The following MTO1 variants were observed in gnomAD, a reference collection of about 807,000 sequenced individuals.
MTO1 encodes 5-taurinomethyluridine-[tRNA] synthase subunit MTO1, mitochondrial.
In MTO1, 46 loss-of-function variants were observed where a neutral mutation model predicts 71.6. The ratio of observed to expected loss-of-function variants is 0.64; its 90% CI spans 0.51 to 0.82. MTO1 has a LOEUF of 0.82. Ranked by LOEUF, MTO1 falls within the 40% of genes least tolerant of loss-of-function variation. The pLI, the probability that MTO1 is intolerant of heterozygous loss-of-function variation, is 0.00. For missense variants in MTO1, 773 were observed against 867.5 expected (o/e 0.89, Z 1.37); for synonymous variants, 297 against 312.1 (o/e 0.95, Z 0.51).
At chr6:73,481,928 G>T (rs1339948361) in intron 7 of MTO1, 112 bp from the exon 8 acceptor site, 23 of 1,097,328 alleles carry the variant, frequency 2.1e-5, no homozygotes, top group Non-Finnish European at 3.0e-5. Flanking sequence ...TCCCTTAGGG[G>T]CAATACTTGC....
Position 73,461,818 on chromosome 6 carries a change from G to GT in MTO1, c.-36dup, listed in dbSNP as rs1353309264. The GT allele has an allele frequency of 2.4e-5, 38 of 1,595,008 alleles. No individual in the cohort carries two copies. Among genetic ancestry groups the GT allele is most frequent in the Non-Finnish European group, 3.3e-5 (38 of 1,164,632 alleles). Reference sequence around the variant, plus strand: ...GCGTAAGTTTTTTTGACCGTCACTCGTGTCAGCTTCAAAGTCAGATAGATT... The same window carrying GT: ...GCGTAAGTTTTTTTGACCGTCACTCGTTGTCAGCTTCAAAGTCAGATAGATT... On this transcript the variant is annotated 5_prime_UTR_variant, in exon 1 of 12. Transcript: ENST00000498286.
At chr6:73,479,359 G>A (rs1157444182) in intron 4 of MTO1, among the ~76,000 whole-genome samples, 1 of 152,028 alleles carries the variant, frequency 6.6e-6, no homozygotes, top group Admixed American at 6.5e-5. Flanking sequence ...GCCGAACGTA[G>A]TGGTGCATGC....
chr6:73,505,205 A>G lies in MTO1; in HGVS notation c.*4470A>G, dbSNP rs975747049. The stretch of plus-strand genomic sequence containing the variant: ...TCAAAAAAAAAAAATTTGTACAGTC[A>G]TGTTCAAAGTAGCATTAATTCACAA... On this transcript the variant is annotated 3_prime_UTR_variant, in exon 12 of 12. Transcript: ENST00000498286. 1.3e-5 allele frequency: 2 copies of G among 152,240 alleles called. No individual in the cohort carries two copies. Among genetic ancestry groups the G allele is most frequent in the East Asian group, 1.9e-4 (1 of 5,192 alleles). The allele number at this position is 152,240 out of a possible 1,614,324, so 9.4% of individuals were successfully genotyped here. A position where few individuals can be genotyped will look rare whatever the true frequency, so the allele number is the denominator to read the frequency against.
Position 73,501,416 on chromosome 6 carries a change from C to T in MTO1, c.*681C>T, listed in dbSNP as rs933567059. 1.3e-5 allele frequency: 2 copies of T among 152,044 alleles called. No homozygotes were observed. Among genetic ancestry groups the T allele is most frequent in the Non-Finnish European group, 2.9e-5 (2 of 68,022 alleles). 9.4% of individuals were successfully genotyped at this position (152,044 alleles called of 1,614,324 possible). ...ACCTAGTTATGGGAGAATTGAGTAACGTTAGTTATTTTATATCATACCATA... is the reference window on the plus strand; with the variant it reads ...ACCTAGTTATGGGAGAATTGAGTAATGTTAGTTATTTTATATCATACCATA... On this transcript the variant is annotated 3_prime_UTR_variant, in exon 12 of 12. Transcript: ENST00000498286.
At chr6:73,489,535 G>A (rs1771749189) in intron 9 of MTO1, among the ~76,000 whole-genome samples, 2 of 148,372 alleles carry the variant, frequency 1.3e-5, no homozygotes, top group South Asian at 4.2e-4. Flanking sequence ...AACATGCAAT[G>A]TTTGGTTTTC....
chr6:73,500,521 T>G (rs909831072), intron 11 of MTO1, 53 bp from the exon 12 acceptor site: 1 of 1,488,484 alleles, frequency 6.7e-7, no homozygotes, highest in Admixed American at 2.1e-5. Flanking sequence ...GAAAATAGAT[T>G]TGATTTGACA....
intron 1 of MTO1, 134 bp downstream of exon 1, chr6:73,462,205 C>T (rs1770844232): frequency 1.1e-6 from 1 of 947,570 alleles, no homozygotes; most frequent in Non-Finnish European, 1.6e-6. Context: ...GTTTTAGCCT[C>T]GATCAGTGTC....
At chr6:73,484,082 GT>G (rs1339221780) in intron 9 of MTO1, among the ~76,000 whole-genome samples, 1 of 151,892 alleles carries the variant, frequency 6.6e-6, no homozygotes, top group Non-Finnish European at 1.5e-5. Context: ...CCTGGCCCAA[GT>G]TTTTATTTTC....
At chr6:73,462,249 A>C in intron 1 of MTO1, 178 bp downstream of exon 1, 1 of 652,312 alleles carries the variant, frequency 1.5e-6, no homozygotes, top group South Asian at 1.9e-5. Context: ...CCAGAACTCT[A>C]TATTAGTCTA....
At position 73,473,463 on chromosome 6, in the gene MTO1, C is replaced by T. The variant is rs147346536; in HGVS notation, c.634C>T (p.Arg212Cys). 6.3e-5 allele frequency: 101 copies of T among 1,613,926 alleles called. No homozygotes were observed. The highest frequency in any genetic ancestry group is 6.3e-5 in the Non-Finnish European group (74 of 1,180,034). ...VIGLETHPAG[R>C]LGDQPSIGLA... Reference sequence around the variant, plus strand: ...TGGATTGGAGACGCATCCAGCAGGACGTTTAGGGGATCAGCCTTCTATAGG... The same window carrying T: ...TGGATTGGAGACGCATCCAGCAGGATGTTTAGGGGATCAGCCTTCTATAGG... The change falls in exon 4 of 12, where the codon CGT (arginine) becomes TGT (cysteine). Residue 212 changes from arginine to cysteine, a missense_variant. Transcript: ENST00000498286.
intron 7 of MTO1, 106 bp from the exon 8 acceptor site, chr6:73,481,934 C>T (rs1771505646): frequency 8.2e-7 from 1 of 1,226,188 alleles, no homozygotes; most frequent in Non-Finnish European, 1.2e-6. Context: ...AGGGGCAATA[C>T]TTGCTTTCTT....
At position 73,508,164 on chromosome 6, in the gene MTO1, G is replaced by T. The variant is rs1293691698; in HGVS notation, c.*7429G>T. 6.6e-6 allele frequency: 1 copy of T among 152,088 alleles called. No individual in the cohort carries two copies. The highest frequency in any genetic ancestry group is 1.5e-5 in the Non-Finnish European group (1 of 68,018). 9.4% of individuals were successfully genotyped at this position (152,088 alleles called of 1,614,324 possible). A position where few individuals can be genotyped will look rare whatever the true frequency, so the allele number is the denominator to read the frequency against. On this transcript the variant is annotated 3_prime_UTR_variant, in exon 12 of 12. Coordinates refer to ENST00000498286, the MANE Select transcript of MTO1 (RefSeq NM_012123.4). Reference sequence around the variant, plus strand: ...TCAAAGGTTATCCCAGAATTTGGAGGCTGTAGGGGAATTCAGAGTGTGAAT... The same window carrying T: ...TCAAAGGTTATCCCAGAATTTGGAGTCTGTAGGGGAATTCAGAGTGTGAAT...
At chr6:73,498,479 T>G (rs1318081116) in intron 11 of MTO1, among the ~76,000 whole-genome samples, 1 of 150,866 alleles carries the variant, frequency 6.6e-6, no homozygotes, top group Non-Finnish European at 1.5e-5. Context: ...CTTGGAGTCC[T>G]CCCTAGGAGT....
At chr6:73,493,894 T>C (rs1296706046) in intron 10 of MTO1, among the ~76,000 whole-genome samples, 1 of 152,144 alleles carries the variant, frequency 6.6e-6, no homozygotes, top group Non-Finnish European at 1.5e-5. Context: ...TCTCTGGTAG[T>C]TGCTCTGCAT....
At chr6:73,496,521 A>C (rs1251704594) in intron 10 of MTO1, among the ~76,000 whole-genome samples, 1 of 150,074 alleles carries the variant, frequency 6.7e-6, no homozygotes, top group Non-Finnish European at 1.5e-5. Flanking sequence ...TTTAGGGTAC[A>C]TGTGCACAAT....
chr6:73,462,224 A>T, intron 1 of MTO1, 153 bp downstream of exon 1: 1 of 813,146 alleles, frequency 1.2e-6, no homozygotes. Flanking sequence ...TCTCGCAAGG[A>T]TCAGGCGGGC....
chr6:73,497,834 A>C lies in MTO1; in HGVS notation c.1855A>C (p.Ile619Leu), dbSNP rs1456498802. ...QLPKDLDYLT[I>L]RDVSLSHEVR... ...GCCAAAAGACCTAGATTATTTGACT[A>C]TCAGGGATGTGTCTTTGTCCCATGA... is the stretch of plus-strand genomic sequence containing the variant. The change falls in exon 11 of 12, where the codon ATC becomes CTC. Residue 619 changes from isoleucine (I) to leucine (L), a missense_variant. Physicochemically the swap from Ile to Leu is conservative, Grantham distance 5. Coordinates refer to ENST00000498286, the MANE Select transcript of MTO1 (RefSeq NM_012123.4). 3.1e-6 allele frequency: 5 copies of C among 1,613,890 alleles called. No homozygotes were observed. In the South Asian group the frequency reaches 4.4e-5, roughly 14 times the overall value.
At chr6:73,479,489 C>T (rs920427111) in intron 4 of MTO1, among the ~76,000 whole-genome samples, 4 of 151,778 alleles carry the variant, frequency 2.6e-5, no homozygotes, top group Non-Finnish European at 4.4e-5. Flanking sequence ...AGTGAGACTC[C>T]GTCTCAAAAA....
At chr6:73,498,110 G>A (rs1314758941) in intron 11 of MTO1, among the ~76,000 whole-genome samples, 1 of 152,036 alleles carries the variant, frequency 6.6e-6, no homozygotes, top group Non-Finnish European at 1.5e-5. Context: ...CTACTCGGGA[G>A]GCTGAGGTGG....
Sources: gnomAD v4.1 joint callset for allele counts (sites outside exome capture counted in the v4.1 genomes callset) on GRCh38, gnomAD v4.1.1 for gene constraint, MANE v1.5 for transcripts, NCBI Gene and HGNC (gene_info 2026-07-23, HGNC 2026-07-21) for gene names.